RTN4R: variants seen among roughly 807,000 people sequenced by gnomAD.
The protein encoded by RTN4R is reticulon 4 receptor.
RTN4R carries 4 observed loss-of-function variants against 27.7 expected under a neutral mutation model. That is an observed-to-expected ratio of 0.14 (90% CI 0.07 to 0.33). RTN4R has a LOEUF of 0.33. Among genes scored for constraint, RTN4R ranks in the 10% least tolerant of loss-of-function variants. The pLI is 1.00. For synonymous variants in RTN4R, 290 were observed against 305.6 expected (o/e 0.95, Z 0.53); for missense variants, 554 against 671.5 (o/e 0.83, Z 1.93).
rs983170150 is a variant in RTN4R, at chr22:20,255,097, C to T, written c.23-11987G>A. The stretch of plus-strand genomic sequence containing the variant: ...CACTGGCAAAGCCAGGGAACAGAGG[C>T]GACAGTGGCTGCCTCCCAGGAGGAC... On this transcript the variant is annotated intron_variant, in intron 1 of 1. Coordinates refer to ENST00000043402, the MANE Select transcript of RTN4R (RefSeq NM_023004.6). The surrounding 1 kb of genome is among the most constrained non-coding windows in gnomAD (Gnocchi z 4.8). 6.6e-6 allele frequency among the ~76,000 whole-genome samples: 1 copy of T among 152,146 alleles called. No homozygotes were observed. Among genetic ancestry groups the T allele is most frequent in the African/African-American group, 2.4e-5 (1 of 41,434 alleles).
At position 20,241,639 on chromosome 22, in the gene RTN4R, T is replaced by C; in HGVS notation, c.*72A>G. 1 of 1,524,256 alleles carries C rather than the reference T, an allele frequency of 6.6e-7. No individual in the cohort carries two copies. The highest frequency in any genetic ancestry group is 8.9e-7 in the Non-Finnish European group (1 of 1,126,866). The allele number at this position is 1,524,256 out of a possible 1,614,324, so 94.4% of individuals were successfully genotyped here. On this transcript the variant is annotated 3_prime_UTR_variant, in exon 2 of 2. Coordinates refer to ENST00000043402, the MANE Select transcript of RTN4R (RefSeq NM_023004.6). ...CCCACGGGTCGGCCGCCCGGCTGGC[T>C]TGGCGGCGTGGAGAGAGACCCCGTA...
chr22:20,259,962 T>A (rs1356543851), intron 1 of RTN4R, among the ~76,000 whole-genome samples: 1 of 152,154 alleles, frequency 6.6e-6, no homozygotes, highest in Non-Finnish European at 1.5e-5. Flanking sequence ...GTGACCCCTG[T>A]GGGCCTCCCC....
chr22:20,264,072 A>C (rs1388221894), intron 1 of RTN4R, among the ~76,000 whole-genome samples: 1 of 152,238 alleles, frequency 6.6e-6, no homozygotes, highest in African/African-American at 2.4e-5. Context: ...GAGTCCCCTG[A>C]AATCAGCCCA....
intron 1 of RTN4R, among the ~76,000 whole-genome samples, chr22:20,251,663 TCCTCAACACC>T: frequency 1.8e-5 from 1 of 55,434 alleles, no homozygotes; most frequent in South Asian, 8.3e-4. Context: ...ACCATCACCA[TCCTCAACACC>T]ATCCTCAACA....
At chr22:20,259,153 C>T (rs1417533081) in intron 1 of RTN4R, among the ~76,000 whole-genome samples, 2 of 152,098 alleles carry the variant, frequency 1.3e-5, no homozygotes, top group Admixed American at 6.5e-5. Flanking sequence ...GAGGTTGGTG[C>T]CCCACCCATC....
chr22:20,242,097 C>T lies in RTN4R; in HGVS notation c.1036G>A (p.Val346Ile), dbSNP rs1222914422. The change falls in exon 2 of 2, where the codon GTA becomes ATA. Residue 346 changes from valine (V) to isoleucine (I), a missense_variant. Physicochemically the swap from Val to Ile is conservative, Grantham distance 29. This residue lies in a region of RTN4R where 413 missense variants were observed against 542.3 expected (regional missense o/e 0.76). Transcript: ENST00000043402. ...CQPDAADKAS[V>I]LEPGRPASAG... ...GAAGCTGGTCTTCCAGGCTCCAGTA[C>T]TGAGGCCTTGTCAGCGGCATCTGGC... The T allele has an allele frequency of 6.2e-7, 1 of 1,612,314 alleles. No homozygotes were observed. The highest frequency in any genetic ancestry group is 1.7e-5 in the Admixed American group (1 of 60,006).
At position 20,243,129 on chromosome 22, in the gene RTN4R, G is replaced by A. The variant is rs780309879; in HGVS notation, c.23-19C>T. ...CGGCTCCCTGTGGGCAGAAGACAGA[G>A]TGGTTAGCAGGAAGGGCAGGGGTAC... is the stretch of plus-strand genomic sequence containing the variant. On this transcript the variant is annotated intron_variant, in intron 1 of 1. Transcript: ENST00000043402. The A allele has an allele frequency of 6.3e-7, 1 of 1,597,042 alleles. No individual in the cohort carries two copies. The highest frequency in any genetic ancestry group is 1.7e-5 in the Admixed American group (1 of 59,818).
At chr22:20,266,125 G>A (rs920012238) in intron 1 of RTN4R, among the ~76,000 whole-genome samples, 1 of 152,214 alleles carries the variant, frequency 6.6e-6, no homozygotes, top group African/African-American at 2.4e-5. Flanking sequence ...AGAAGAACAG[G>A]GAACAGTACC....
intron 1 of RTN4R, among the ~76,000 whole-genome samples, chr22:20,260,408 G>A (rs1312379502): frequency 2.6e-5 from 4 of 152,264 alleles, no homozygotes. Flanking sequence ...GTGTGTGGGA[G>A]GGAACGTTGC....
chr22:20,249,062 T>C (rs1285783990), intron 1 of RTN4R: 1 of 522,320 alleles, frequency 1.9e-6, no homozygotes, highest in African/African-American at 1.9e-5. Context: ...CACAGGAGGC[T>C]TGAGCCCACC....
chr22:20,245,942 G>A (rs1405812664), intron 1 of RTN4R, among the ~76,000 whole-genome samples: 1 of 152,224 alleles, frequency 6.6e-6, no homozygotes, highest in Non-Finnish European at 1.5e-5. Context: ...CACCCAGGTT[G>A]GCCCTGCGGC....
chr22:20,260,639 G>A (rs8139323), intron 1 of RTN4R, among the ~76,000 whole-genome samples: 1 of 152,148 alleles, frequency 6.6e-6, no homozygotes, highest in African/African-American at 2.4e-5. Context: ...CACGCCCGGG[G>A]GCAGGTGGCC....
chr22:20,265,521 A>G (rs2051272190), intron 1 of RTN4R, among the ~76,000 whole-genome samples: 1 of 152,190 alleles, frequency 6.6e-6, no homozygotes, highest in Admixed American at 6.5e-5. Context: ...CAGTCCCAGC[A>G]GAAGGACCCT....
chr22:20,249,109 T>C lies in RTN4R; in HGVS notation c.23-5999A>G, dbSNP rs9618761. 3,780 of 533,956 alleles carry C rather than the reference T, an allele frequency of 7.1e-3. 69 individuals are homozygous for C. The highest frequency in any genetic ancestry group is 0.06 in the East Asian group (1,098 of 18,348). The allele number at this position is 533,956 out of a possible 1,614,324, so 33.1% of individuals were successfully genotyped here. A position where few individuals can be genotyped will look rare whatever the true frequency, so the allele number is the denominator to read the frequency against. ...GCTCCACCAGGAGCCAACAAACACC[T>C]GCTGCCTAATTATCTGGAGAATCCT... On this transcript the variant is annotated intron_variant, in intron 1 of 1. Transcript: ENST00000043402.
At chr22:20,260,946 C>T (rs1003039579) in intron 1 of RTN4R, among the ~76,000 whole-genome samples, 1 of 152,088 alleles carries the variant, frequency 6.6e-6, no homozygotes, top group Non-Finnish European at 1.5e-5. Context: ...GCTGCTAGCC[C>T]TGCCCGGACC....
intron 1 of RTN4R, among the ~76,000 whole-genome samples, chr22:20,262,670 C>G (rs531490666): frequency 6.6e-6 from 1 of 152,332 alleles, no homozygotes; most frequent in East Asian, 1.9e-4. Flanking sequence ...GGACTCTAGG[C>G]ATTTTCCCAC....
Position 20,242,709 on chromosome 22 carries a change from G to A in RTN4R, c.424C>T (p.Leu142=). The A allele has an allele frequency of 6.2e-7, 1 of 1,612,452 alleles. No individual in the cohort carries two copies. The highest frequency in any genetic ancestry group is 8.5e-7 in the Non-Finnish European group (1 of 1,179,634). Residue 142 remains leucine (L), a synonymous_variant, in exon 2 of 2, where the codon CTG becomes TTG. Coordinates refer to ENST00000043402, the MANE Select transcript of RTN4R (RefSeq NM_023004.6). Reference sequence around the variant, plus strand: ...AACAGCCCCGGGCCCAGCTCCTGCAGGCCGCAGCGGTCCAGGTGCAGCGTG... The same window carrying A: ...AACAGCCCCGGGCCCAGCTCCTGCAAGCCGCAGCGGTCCAGGTGCAGCGTG... ...LHTLHLDRCG[L]QELGPGLFRG...
At chr22:20,243,527 T>G in intron 1 of RTN4R, 1 of 480,834 alleles carries the variant, frequency 2.1e-6, no homozygotes, top group Non-Finnish European at 4.2e-6. Context: ...CCACAGGGCC[T>G]AGGAAACACT....
intron 1 of RTN4R, 68 bp from the exon 2 acceptor site, chr22:20,243,178 G>T (rs2051119805): frequency 3.3e-6 from 5 of 1,505,388 alleles, no homozygotes; most frequent in Non-Finnish European, 4.5e-6. Flanking sequence ...GGTTTTGCTA[G>T]AGCCAGGTGG....
Sources: allele counts gnomAD v4.1 joint callset (sites outside exome capture counted in the v4.1 genomes callset), GRCh38; gene constraint gnomAD v4.1.1; regional missense constraint gnomAD v4.1.1; non-coding constraint Gnocchi (gnomAD v3.1); transcripts MANE v1.5; gene names NCBI Gene and HGNC (gene_info 2026-07-23, HGNC 2026-07-21).